The following MMP2 variants were observed in gnomAD, a reference collection of about 807,000 sequenced individuals.
MMP2 encodes the protein matrix metallopeptidase 2.
In MMP2, 39 loss-of-function variants were observed where a neutral mutation model predicts 74.8. That is an observed-to-expected ratio of 0.52 (90% CI 0.40 to 0.68). The LOEUF (loss-of-function observed/expected upper bound fraction) is 0.68. MMP2 is among the 30% of genes least tolerant of loss of function. The pLI, the probability that MMP2 is intolerant of heterozygous loss-of-function variation, is 0.00. For synonymous variants in MMP2, 367 were observed against 339.8 expected (o/e 1.08, Z -0.88); for missense variants, 803 against 878.3 (o/e 0.91, Z 1.08).
intron 9 of MMP2, among the ~76,000 whole-genome samples, chr16:55,494,743 G>A (rs1962493641): frequency 6.6e-6 from 1 of 152,258 alleles, no homozygotes; most frequent in Admixed American, 6.5e-5. Context: ...AAATAGGCAT[G>A]GAGAACTGAC....
chr16:55,496,877 G>T (rs752490961), intron 9 of MMP2, 49 bp from the exon 10 acceptor site: 28 of 1,609,898 alleles, frequency 1.7e-5, no homozygotes, highest in Non-Finnish European at 1.4e-5. Flanking sequence ...GGTTCGAGCT[G>T]CAGGGTGACT....
intron 6 of MMP2, among the ~76,000 whole-genome samples, chr16:55,489,449 T>TTA (rs17859912): frequency 0.41 from 61,801 of 152,018 alleles, 12,583 homozygotes; most frequent in Admixed American, 0.43. Context: ...TCTGATCTAT[T>TTA]TCCCATCCAT....
chr16:55,500,681 T>C (rs1180460352), intron 11 of MMP2, among the ~76,000 whole-genome samples: 1 of 152,154 alleles, frequency 6.6e-6, no homozygotes, highest in Non-Finnish European at 1.5e-5. Context: ...TGAGACTTCC[T>C]GAAAAGGGAC....
At chr16:55,497,347 A>AC (rs397701271) in intron 10 of MMP2, among the ~76,000 whole-genome samples, 1 of 151,384 alleles carries the variant, frequency 6.6e-6, no homozygotes, top group Non-Finnish European at 1.5e-5. Flanking sequence ...GAAGAAAAAA[A>AC]GTCTCAGTTT....
rs751332887 is a variant in MMP2, at chr16:55,489,623, G to A, written c.1007-28G>A. The A allele has an allele frequency of 4.8e-5, 78 of 1,612,948 alleles. No homozygotes were observed. The African/African-American group carries it at 5.9e-4, about 12-fold the overall frequency. On this transcript the variant is annotated intron_variant, in intron 6 of 12. Transcript: ENST00000219070. ...GTGGTAGCCTCAGACTCTTTGCTGCGCCTTGACCCGTATCCCTAACCCCAC... is the reference window on the plus strand; with the variant it reads ...GTGGTAGCCTCAGACTCTTTGCTGCACCTTGACCCGTATCCCTAACCCCAC...
In MMP2 at chr16:55,491,825, C is replaced by G; in HGVS notation, c.1205C>G (p.Ala402Gly). 1 of 1,614,224 alleles carries G rather than the reference C, an allele frequency of 6.2e-7. No homozygotes were observed. The highest frequency in any genetic ancestry group is 8.5e-7 in the Non-Finnish European group (1 of 1,180,042). The change falls in exon 8 of 13, where the codon GCC (alanine) becomes GGC (glycine). Residue 402 changes from alanine to glycine, a missense_variant. By Grantham distance (60) the Ala-to-Gly change is moderately conservative. Transcript: ENST00000219070. Reference protein sequence around the residue: ...DQGYSLFLVAAHEFGHAMGLE... With the variant: ...DQGYSLFLVAGHEFGHAMGLE... ...GGGTACAGCCTGTTCCTCGTGGCAGCCCACGAGTTTGGCCACGCCATGGGG... is the reference window on the plus strand; with the variant it reads ...GGGTACAGCCTGTTCCTCGTGGCAGGCCACGAGTTTGGCCACGCCATGGGG...
At chr16:55,497,192 A>C in intron 10 of MMP2, 130 bp downstream of exon 10, 3 of 1,229,590 alleles carry the variant, frequency 2.4e-6, no homozygotes, top group Non-Finnish European at 3.5e-6. Context: ...CCTTTCCTTT[A>C]TGGATTCATT....
intron 7 of MMP2, 105 bp downstream of exon 7, chr16:55,489,929 GCC>G: frequency 7.5e-7 from 1 of 1,337,750 alleles, no homozygotes; most frequent in Non-Finnish European, 1.0e-6. Context: ...CATAGACACT[GCC>G]CCCCAGACAC....
intron 2 of MMP2, among the ~76,000 whole-genome samples, chr16:55,483,807 G>A (rs1394436796): frequency 6.6e-6 from 1 of 152,138 alleles, no homozygotes; most frequent in African/African-American, 2.4e-5. Flanking sequence ...AGTGAGCCCT[G>A]CCCAGCCTAC....
chr16:55,482,993 T>C lies in MMP2; in HGVS notation c.238T>C (p.Phe80Leu). The change falls in exon 2 of 13, where the codon TTC (phenylalanine) becomes CTC (leucine). Residue 80 changes from phenylalanine (F) to leucine (L), a missense_variant. Phe to Leu is a conservative substitution (Grantham distance 22). Around this residue, in one of 3 missense-constraint regions of MMP2, gnomAD observed 223 missense variants for 232.8 expected, o/e 0.96. Coordinates refer to ENST00000219070, the MANE Select transcript of MMP2 (RefSeq NM_004530.6). Reference protein sequence around the residue: ...LKDTLKKMQKFFGLPQTGDLD... With the variant: ...LKDTLKKMQKLFGLPQTGDLD... Reference sequence around the variant, plus strand: ...GGACACACTAAAGAAGATGCAGAAGTTCTTTGGACTGCCCCAGACAGGTGA... The same window carrying C: ...GGACACACTAAAGAAGATGCAGAAGCTCTTTGGACTGCCCCAGACAGGTGA... 1 of 1,613,882 alleles carries C rather than the reference T, an allele frequency of 6.2e-7. No homozygotes were observed. The highest frequency in any genetic ancestry group is 8.5e-7 in the Non-Finnish European group (1 of 1,179,954).
intron 11 of MMP2, among the ~76,000 whole-genome samples, chr16:55,500,579 CAG>C (rs1229687199): frequency 1.3e-5 from 2 of 148,830 alleles, no homozygotes; most frequent in African/African-American, 2.5e-5. Context: ...GATTTCCAGG[CAG>C]AGTTATTTGC....
intron 9 of MMP2, among the ~76,000 whole-genome samples, chr16:55,495,558 A>C (rs1215439800): frequency 6.6e-6 from 1 of 152,222 alleles, no homozygotes. Context: ...TAACTAATTT[A>C]TTTAGTCATT....
At chr16:55,496,018 G>C (rs750681921) in intron 9 of MMP2, among the ~76,000 whole-genome samples, 1 of 152,216 alleles carries the variant, frequency 6.6e-6, no homozygotes, top group African/African-American at 2.4e-5. Flanking sequence ...GGCAACTGCT[G>C]AATCAGTAAC....
intron 11 of MMP2, among the ~76,000 whole-genome samples, chr16:55,499,475 C>T (rs1434803669): frequency 2.0e-5 from 3 of 152,058 alleles, no homozygotes; most frequent in East Asian, 1.9e-4. Flanking sequence ...ACAGCAGGCC[C>T]GTGGCTGTGG....
chr16:55,505,484 C>T lies in MMP2; in HGVS notation c.*42C>T, dbSNP rs369685795. The T allele has an allele frequency of 4.5e-6, 7 of 1,549,668 alleles. No homozygotes were observed. Among genetic ancestry groups the T allele is most frequent in the East Asian group, 4.5e-5 (2 of 44,556 alleles). The stretch of plus-strand genomic sequence containing the variant: ...ACAGGCCCTTCCTCTCCACTGCCTT[C>T]GATACACCGGGCCTGGAGAACTAGA... On this transcript the variant is annotated 3_prime_UTR_variant, in exon 13 of 13. Transcript: ENST00000219070.
chr16:55,501,354 G>T (rs1024037881), intron 11 of MMP2, among the ~76,000 whole-genome samples: 25 of 152,222 alleles, frequency 1.6e-4, no homozygotes, highest in Non-Finnish European at 3.2e-4. Context: ...TCTTATCTGA[G>T]ACTCAGTTTC....
chr16:55,488,821 G>T, intron 6 of MMP2, 105 bp downstream of exon 6: 4 of 1,227,884 alleles, frequency 3.3e-6, no homozygotes, highest in East Asian at 2.5e-5. Flanking sequence ...CAAGACAGGG[G>T]TGCTAAGACA....
intron 8 of MMP2, 103 bp downstream of exon 8, chr16:55,492,059 C>A: frequency 8.4e-7 from 1 of 1,189,978 alleles, no homozygotes; most frequent in Non-Finnish European, 1.2e-6. Flanking sequence ...TCTCATCCAG[C>A]CAGGAGTGCT....
At chr16:55,481,726 C>T (rs1398938713) in intron 1 of MMP2, 21 of 644,322 alleles carry the variant, frequency 3.3e-5, no homozygotes, top group Non-Finnish European at 5.5e-5. Context: ...GGACTTAGAC[C>T]GCTTGGCTTC....
Sources: allele counts gnomAD v4.1 joint callset (sites outside exome capture counted in the v4.1 genomes callset), GRCh38; gene constraint gnomAD v4.1.1; regional missense constraint gnomAD v4.1.1; transcripts MANE v1.5; gene names NCBI Gene and HGNC (gene_info 2026-07-23, HGNC 2026-07-21).